PSD3: variants seen among roughly 807,000 people sequenced by gnomAD.
PSD3 encodes PH and SEC7 domain-containing protein 3.
PSD3 carries 49 observed loss-of-function variants against 105.5 expected under a neutral mutation model. The ratio of observed to expected loss-of-function variants is 0.46; its 90% CI spans 0.37 to 0.59. The LOEUF is 0.59. PSD3 is among the 20% of genes least tolerant of loss of function. PSD3 has a pLI of 0.00. For missense variants in PSD3, 1,561 were observed against 1,263.8 expected (o/e 1.24, Z -3.57); for synonymous variants, 557 against 457.8 (o/e 1.22, Z -2.77).
chr8:18,611,764 C>A (rs1376114782), intron 11 of PSD3, among the ~76,000 whole-genome samples: 1 of 137,476 alleles, frequency 7.3e-6, no homozygotes, highest in Non-Finnish European at 1.6e-5. Flanking sequence ...GATTAAGGGA[C>A]CTGGATGGAT....
chr8:18,648,021 G>A (rs966910931), intron 10 of PSD3, among the ~76,000 whole-genome samples: 10 of 152,196 alleles, frequency 6.6e-5, no homozygotes, highest in African/African-American at 2.4e-4. Context: ...AGAACCATCA[G>A]CCAATTAAAC....
chr8:18,790,385 C>G (rs934134091), intron 8 of PSD3, among the ~76,000 whole-genome samples: 1 of 150,234 alleles, frequency 6.7e-6, no homozygotes, highest in Non-Finnish European at 1.5e-5. Flanking sequence ...TCACTGCAAG[C>G]TCTGCTTCCA....
intron 1 of PSD3, among the ~76,000 whole-genome samples, chr8:19,072,347 A>G (rs954036966): frequency 3.9e-5 from 6 of 152,126 alleles, no homozygotes; most frequent in Non-Finnish European, 7.4e-5. Flanking sequence ...TCGGCCTCCC[A>G]AAGTGCTGGG....
chr8:18,979,718 C>A (rs147080933), intron 1 of PSD3: 182 of 186,334 alleles, frequency 9.8e-4, no homozygotes, highest in Non-Finnish European at 1.7e-3. Context: ...TTCACTAACA[C>A]CACAAGAGTC....
intron 8 of PSD3, among the ~76,000 whole-genome samples, chr8:18,788,834 G>A (rs906902419): frequency 3.3e-5 from 5 of 152,134 alleles, no homozygotes; most frequent in African/African-American, 1.2e-4. Context: ...GAAAGCTCCT[G>A]TTTTGCTTTT....
chr8:19,044,391 A>T (rs1828241700), intron 1 of PSD3, among the ~76,000 whole-genome samples: 1 of 152,184 alleles, frequency 6.6e-6, no homozygotes, highest in African/African-American at 2.4e-5. Flanking sequence ...TTGGAGCGTC[A>T]GATAGGATTC....
chr8:18,659,084 T>A (rs1321970772), intron 9 of PSD3, among the ~76,000 whole-genome samples: 1 of 152,164 alleles, frequency 6.6e-6, no homozygotes, highest in African/African-American at 2.4e-5. Context: ...GTTCTATGAC[T>A]CGGCCCATCT....
chr8:18,957,870 T>C (rs950298006), intron 1 of PSD3, among the ~76,000 whole-genome samples: 5 of 152,292 alleles, frequency 3.3e-5, no homozygotes, highest in Admixed American at 6.5e-5. Flanking sequence ...ACCTGGGCTG[T>C]GGGAAATGAG....
In PSD3 at chr8:18,871,934, T is replaced by A. The variant is rs1817384737; in HGVS notation, c.930A>T (p.Gly310=). 1 of 1,614,202 alleles carries A rather than the reference T, an allele frequency of 6.2e-7. No individual in the cohort carries two copies. ...EFQGVEILWT[G]GDKRETQHPI... is the part of the protein sequence containing the mutation. ...GATGCTGGGTCTCTCTCTTGTCTCCTCCTGTCCACAGTATTTCCACTCCTT... is the reference window on the plus strand; with the variant it reads ...GATGCTGGGTCTCTCTCTTGTCTCCACCTGTCCACAGTATTTCCACTCCTT... Residue 310 remains glycine, a synonymous_variant, in exon 3 of 16, where the codon GGA becomes GGT. Transcript: ENST00000327040.
At chr8:18,629,625 A>G (rs1325148745) in intron 11 of PSD3, among the ~76,000 whole-genome samples, 1 of 152,012 alleles carries the variant, frequency 6.6e-6, no homozygotes, top group East Asian at 1.9e-4. Context: ...CCATGATTCC[A>G]TTTATTGCAA....
At chr8:18,959,573 C>G (rs985934371) in intron 1 of PSD3, among the ~76,000 whole-genome samples, 1 of 127,220 alleles carries the variant, frequency 7.9e-6, no homozygotes, top group Admixed American at 7.4e-5. Flanking sequence ...TTCATGTCCT[C>G]GGTATTTAAT....
chr8:18,919,767 GCA>G (rs1563421055), intron 2 of PSD3, among the ~76,000 whole-genome samples: 5 of 146,036 alleles, frequency 3.4e-5, no homozygotes, highest in Admixed American at 7.1e-5. Flanking sequence ...ACCAAACACC[GCA>G]TATTCTCACT....
intron 1 of PSD3, among the ~76,000 whole-genome samples, chr8:18,937,582 G>A (rs1400930217): frequency 6.6e-6 from 1 of 152,154 alleles, no homozygotes; most frequent in East Asian, 1.9e-4. Flanking sequence ...ACAACATTCA[G>A]ACAGCAATTT....
At chr8:18,804,400 ACTC>A in intron 6 of PSD3, 119 bp downstream of exon 6, 1 of 813,202 alleles carries the variant, frequency 1.2e-6, no homozygotes, top group South Asian at 2.0e-5. Context: ...GAGAAGGAAT[ACTC>A]CACCTATACA....
At chr8:18,748,994 G>A (rs1254209691) in intron 9 of PSD3, among the ~76,000 whole-genome samples, 2 of 152,204 alleles carry the variant, frequency 1.3e-5, no homozygotes, top group Admixed American at 6.5e-5. Context: ...CATGTGTAAC[G>A]CTACTCAGTT....
intron 2 of PSD3, among the ~76,000 whole-genome samples, chr8:18,879,087 C>T (rs1030133530): frequency 8.9e-6 from 1 of 111,786 alleles, no homozygotes; most frequent in Non-Finnish European, 1.9e-5. Flanking sequence ...CACACACACA[C>T]GCACACACAA....
intron 1 of PSD3, among the ~76,000 whole-genome samples, chr8:18,988,311 G>C (rs1234770992): frequency 6.6e-6 from 1 of 152,066 alleles, no homozygotes; most frequent in African/African-American, 2.4e-5. Context: ...AAGCACGAAA[G>C]CCCTATTCCC....
At chr8:18,724,809 C>G (rs1207297052) in intron 9 of PSD3, among the ~76,000 whole-genome samples, 1 of 151,644 alleles carries the variant, frequency 6.6e-6, no homozygotes, top group Non-Finnish European at 1.5e-5. Context: ...ATAAAAGCAG[C>G]AAGGAAATAA....
intron 1 of PSD3, among the ~76,000 whole-genome samples, chr8:19,027,931 G>A (rs531735224): frequency 6.6e-6 from 1 of 152,212 alleles, no homozygotes; most frequent in South Asian, 2.1e-4. Context: ...GTACATGTTT[G>A]TTCTTGGATA....
Sources: allele counts gnomAD v4.1 joint callset (sites outside exome capture counted in the v4.1 genomes callset), GRCh38; gene constraint gnomAD v4.1.1; transcripts MANE v1.5; gene names NCBI Gene and HGNC (gene_info 2026-07-23, HGNC 2026-07-21).